ELMO2: variants seen among roughly 807,000 people sequenced by gnomAD.
The protein encoded by ELMO2 is engulfment and cell motility protein 2.
In ELMO2, 37 loss-of-function variants were observed where a neutral mutation model predicts 96.2. That is an observed-to-expected ratio of 0.38 (90% CI 0.30 to 0.51). The LOEUF (loss-of-function observed/expected upper bound fraction) is 0.51. Ranked by LOEUF, ELMO2 falls within the 20% of genes least tolerant of loss-of-function variation. ELMO2 has a pLI of 0.88. For synonymous variants in ELMO2, 315 were observed against 329.4 expected (o/e 0.96, Z 0.47); for missense variants, 561 against 912.6 (o/e 0.61, Z 4.96).
At chr20:46,383,542 G>A in intron 9 of ELMO2, 48 bp from the exon 10 acceptor site, 2 of 1,470,136 alleles carry the variant, frequency 1.4e-6, no homozygotes, top group Non-Finnish European at 1.9e-6. Flanking sequence ...AGACTGAACA[G>A]CAAGATGATG....
intron 4 of ELMO2, 40 bp downstream of exon 4, chr20:46,394,009 G>C: frequency 6.2e-7 from 1 of 1,613,328 alleles, no homozygotes; most frequent in Middle Eastern, 1.7e-4. Flanking sequence ...TCTTTCAGTC[G>C]GAGCTGCCAC....
chr20:46,370,280 GTAT>G, intron 20 of ELMO2, 160 bp downstream of exon 20: 1 of 720,042 alleles, frequency 1.4e-6, no homozygotes, highest in Non-Finnish European at 2.5e-6. Context: ...TGGGTGATGT[GTAT>G]ACAGAGGTTC....
chr20:46,371,643 C>T lies in ELMO2; in HGVS notation c.1629G>A (p.Gln543=), dbSNP rs1392934622. Residue 543 remains glutamine, a synonymous_variant, in exon 18 of 22, where the codon CAG becomes CAA. Coordinates refer to ENST00000290246, the MANE Select transcript of ELMO2 (RefSeq NM_133171.5). This position sits in a 1 kb window ranked among gnomAD's most constrained non-coding sequence, Gnocchi z 5.9. ...CCTCACAGAGCCGGTTCAGGCGCTG[C>T]TGCTTGATCAGCTCAAGGATCTCGG... ...IQPEILELIK[Q]QRLNRLCEGS... 14 of 1,612,560 alleles carry T rather than the reference C, an allele frequency of 8.7e-6. No individual in the cohort carries two copies. Among genetic ancestry groups the T allele is most frequent in the Non-Finnish European group, 1.2e-5 (14 of 1,179,628 alleles).
chr20:46,398,933 A>C (rs1238689603), intron 1 of ELMO2, among the ~76,000 whole-genome samples, 162 bp from the exon 2 acceptor site: 1 of 152,234 alleles, frequency 6.6e-6, no homozygotes, highest in Non-Finnish European at 1.5e-5. Context: ...ATTAGCTAGC[A>C]ATTACATAAT....
At chr20:46,406,247 G>C (rs564639347) in intron 1 of ELMO2, among the ~76,000 whole-genome samples, 21 of 147,220 alleles carry the variant, frequency 1.4e-4, no homozygotes, top group Middle Eastern at 3.5e-3. Flanking sequence ...TTCTCCCTCC[G>C]ACCGCTGCCC....
intron 1 of ELMO2, among the ~76,000 whole-genome samples, chr20:46,402,203 C>T (rs973858603): frequency 6.6e-6 from 1 of 152,200 alleles, no homozygotes; most frequent in Non-Finnish European, 1.5e-5. Flanking sequence ...GAGTTGACAA[C>T]CTGAGGGCAA....
At chr20:46,376,548 CTCTG>C (rs1249947181) in intron 11 of ELMO2, among the ~76,000 whole-genome samples, 9 of 152,144 alleles carry the variant, frequency 5.9e-5, no homozygotes, top group Non-Finnish European at 5.9e-5. Context: ...CATGTTCTGT[CTCTG>C]TCTTTCTCTT....
At chr20:46,381,331 A>T (rs6017805) in intron 10 of ELMO2, among the ~76,000 whole-genome samples, 71 of 152,266 alleles carry the variant, frequency 4.7e-4, no homozygotes, top group African/African-American at 1.6e-3. Flanking sequence ...TGCTGCCTTC[A>T]TTTAATTTTA....
At chr20:46,385,941 A>G in intron 9 of ELMO2, among the ~76,000 whole-genome samples, 183 bp downstream of exon 9, 1 of 152,190 alleles carries the variant, frequency 6.6e-6, no homozygotes, top group East Asian at 1.9e-4. Context: ...GGGCAGGAGC[A>G]TGACATGATC....
At chr20:46,401,511 A>G (rs779483281) in intron 1 of ELMO2, among the ~76,000 whole-genome samples, 5 of 152,170 alleles carry the variant, frequency 3.3e-5, no homozygotes, top group Non-Finnish European at 5.9e-5. Flanking sequence ...TTCCTGCTGT[A>G]AGAATGGCCT....
At chr20:46,370,013 T>C (rs868076963) in intron 20 of ELMO2, 5 of 351,482 alleles carry the variant, frequency 1.4e-5, no homozygotes, top group East Asian at 7.9e-5. Flanking sequence ...TGTATCCATA[T>C]AAACATTTAT....
In ELMO2 at chr20:46,371,619, C is replaced by T. The variant is rs1485948572; in HGVS notation, c.1653G>A (p.Glu551=). The stretch of plus-strand genomic sequence containing the variant: ...TCCCAATCTTTCGGAAGCTGCTGCC[C>T]TCACAGAGCCGGTTCAGGCGCTGCT... The part of the protein sequence containing the change: ...IKQQRLNRLC[E]GSSFRKIGNR... Residue 551 remains glutamate, a synonymous_variant, in exon 18 of 22, where the codon GAG becomes GAA. Coordinates refer to ENST00000290246, the MANE Select transcript of ELMO2 (RefSeq NM_133171.5). This position sits in a 1 kb window ranked among gnomAD's most constrained non-coding sequence, Gnocchi z 5.9. 5 of 1,607,226 alleles carry T rather than the reference C, an allele frequency of 3.1e-6. No individual in the cohort carries two copies. The highest frequency in any genetic ancestry group is 1.7e-4 in the Middle Eastern group (1 of 6,044).
Position 46,381,786 on chromosome 20 carries a change from C to T in ELMO2, c.757-1483G>A, listed in dbSNP as rs992187765. Among the ~76,000 whole-genome samples, 6 of 152,256 alleles carry T rather than the reference C, an allele frequency of 3.9e-5. No individual in the cohort carries two copies. In the East Asian group the frequency reaches 5.8e-4, roughly 15 times the overall value. Reference sequence around the variant, plus strand: ...AATGAGCATCCAAATTCCCTTTTGTCGATTGTCTAAACCTTTTCGGATTCC... The same window carrying T: ...AATGAGCATCCAAATTCCCTTTTGTTGATTGTCTAAACCTTTTCGGATTCC... On this transcript the variant is annotated intron_variant, in intron 10 of 21. Transcript: ENST00000290246.
rs115020268 is a variant in ELMO2 at position 46,391,505 on chromosome 20, C to T, written c.243+1588G>A. Among the ~76,000 whole-genome samples the T allele has an allele frequency of 9.6e-3, 1,462 of 152,278 alleles. 21 individuals are homozygous for T. Among genetic ancestry groups the T allele is most frequent in the African/African-American group, 0.033 (1,365 of 41,552 alleles). On this transcript the variant is annotated intron_variant, in intron 6 of 21. Transcript: ENST00000290246. ...TCTCAGATGAACCAGTCTCTCTCTG[C>T]ACCAAGAAAAGAAGTGCCATCATGC...
At chr20:46,404,297 T>C (rs1454634222) in intron 1 of ELMO2, among the ~76,000 whole-genome samples, 1 of 152,186 alleles carries the variant, frequency 6.6e-6, no homozygotes, top group African/African-American at 2.4e-5. Flanking sequence ...CCTTGGCAGG[T>C]GGTACTGCTA....
intron 11 of ELMO2, among the ~76,000 whole-genome samples, chr20:46,378,006 T>C (rs956489546): frequency 1.3e-5 from 2 of 152,310 alleles, no homozygotes; most frequent in Middle Eastern, 3.4e-3. Context: ...GTCTATCCTA[T>C]TCCTCTCTCC....
chr20:46,375,332 T>C lies in ELMO2; in HGVS notation c.969A>G (p.Ala323=), dbSNP rs2059836875. ...TGCTAGGATCAGACTCTGCGTCAAA[T>C]GCAATCCTCCTCAGTTCAAATATGA... is the stretch of plus-strand genomic sequence containing the variant. ...RDIIFELRRI[A]FDAESDPSNA... The change falls in exon 13 of 22, where the codon GCA becomes GCG. Residue 323 remains alanine, a synonymous_variant. Transcript: ENST00000290246. This position sits in a 1 kb window ranked among gnomAD's most constrained non-coding sequence, Gnocchi z 4.6. 5 of 1,614,080 alleles carry C rather than the reference T, an allele frequency of 3.1e-6. No individual in the cohort carries two copies. The Admixed American group carries it at 8.3e-5, about 27-fold the overall frequency.
chr20:46,371,829 A>T lies in ELMO2; in HGVS notation c.1557T>A (p.Asp519Glu). ...ACACAATTGGCGGGGACTGGAAGTCATCCTGACTCATCCTCTCAGACTGGC... is the reference window on the plus strand; with the variant it reads ...ACACAATTGGCGGGGACTGGAAGTCTTCCTGACTCATCCTCTCAGACTGGC... ...RLRQSERMSQ[D>E]DFQSPPIVEL... The change falls in exon 17 of 22, where the codon GAT becomes GAA. Residue 519 changes from aspartate (D) to glutamate (E), a missense_variant. Transcript: ENST00000290246. This position sits in a 1 kb window ranked among gnomAD's most constrained non-coding sequence, Gnocchi z 5.9. The T allele has an allele frequency of 6.2e-7, 1 of 1,614,210 alleles. No homozygotes were observed. Among genetic ancestry groups the T allele is most frequent in the East Asian group, 2.2e-5 (1 of 44,882 alleles).
At chr20:46,378,776 C>G (rs924981786) in intron 11 of ELMO2, among the ~76,000 whole-genome samples, 1 of 152,214 alleles carries the variant, frequency 6.6e-6, no homozygotes, top group Non-Finnish European at 1.5e-5. Context: ...AGACACCCTG[C>G]TAAGCACAGT....
Sources: gnomAD v4.1 joint callset for allele counts (sites outside exome capture counted in the v4.1 genomes callset) on GRCh38, gnomAD v4.1.1 for gene constraint, Gnocchi (gnomAD v3.1) non-coding constraint, MANE v1.5 for transcripts, NCBI Gene and HGNC (gene_info 2026-07-23, HGNC 2026-07-21) for gene names.